Variants in KLKB1 observed in about 807,000 individuals in gnomAD.
KLKB1 encodes plasma kallikrein.
Under a neutral mutation model 73.6 loss-of-function variants are expected in KLKB1, and 58 were observed. The observed-to-expected ratio is 0.79, with a 90% CI of 0.64 to 0.98. The LOEUF is 0.98. Ranked by LOEUF, KLKB1 falls within the 50% of genes least tolerant of loss-of-function variation. KLKB1 has a pLI of 0.00. For synonymous variants in KLKB1, 280 were observed against 258.1 expected, an observed-to-expected ratio of 1.08 and a Z score of -0.81; for missense variants, 737 against 763.8, an observed-to-expected ratio of 0.96 and a Z score of 0.41.
At chr4:186,215,451 TTTCC>T (rs1347733469) in intron 2 of KLKB1, among the ~76,000 whole-genome samples, 1 of 151,722 alleles carries the variant, frequency 6.6e-6, no homozygotes, top group Admixed American at 6.6e-5. Flanking sequence ...GCTTGCTTGC[TTTCC>T]TTTTTTTTTT....
chr4:186,221,796 G>T (rs536054041), upstream of KLKB1, among the ~76,000 whole-genome samples: 1 of 152,174 alleles, frequency 6.6e-6, no homozygotes, highest in African/African-American at 2.4e-5. Flanking sequence ...GCACATGTCC[G>T]TTAGGTCTAT....
chr4:186,218,785 A>G (rs12331618), intron 2 of KLKB1, among the ~76,000 whole-genome samples: 85,106 of 151,864 alleles, frequency 0.56, 24,215 homozygotes, highest in East Asian at 0.68. Context: ...CTAATAGGAT[A>G]GATGTACATA....
chr4:186,240,690 G>T (rs1420698748), intron 6 of KLKB1, among the ~76,000 whole-genome samples: 2 of 152,196 alleles, frequency 1.3e-5, no homozygotes, highest in African/African-American at 4.8e-5. Flanking sequence ...GATTGGGAAG[G>T]TTGGTTACAA....
intron 12 of KLKB1, among the ~76,000 whole-genome samples, chr4:186,255,437 T>C (rs1738947291): frequency 6.6e-6 from 1 of 152,112 alleles, no homozygotes; most frequent in Admixed American, 6.6e-5. Context: ...TGTGGTGGTG[T>C]GCACCTGTAG....
At chr4:186,213,371 G>A (rs1005389524) in intron 2 of KLKB1, 2 of 152,198 alleles carry the variant, frequency 1.3e-5, no homozygotes, top group African/African-American at 4.8e-5. Context: ...TCTAAGAATT[G>A]ATATCAATTC....
At chr4:186,246,309 G>C (rs1738347553) in intron 6 of KLKB1, among the ~76,000 whole-genome samples, 1 of 151,990 alleles carries the variant, frequency 6.6e-6, no homozygotes, top group Non-Finnish European at 1.5e-5. Flanking sequence ...GGGATTGAGA[G>C]GACAGATGGG....
chr4:186,247,148 A>G (rs1169495020), intron 6 of KLKB1, among the ~76,000 whole-genome samples: 1 of 152,108 alleles, frequency 6.6e-6, no homozygotes, highest in Non-Finnish European at 1.5e-5. Context: ...TTTCTCATGG[A>G]GCAAAGAGCA....
intron 13 of KLKB1, among the ~76,000 whole-genome samples, chr4:186,256,591 G>T (rs1291783288): frequency 6.6e-6 from 1 of 152,062 alleles, no homozygotes; most frequent in Admixed American, 6.6e-5. Context: ...TTTTTTATTG[G>T]TAATCTGAGA....
At chr4:186,250,185 A>G in intron 6 of KLKB1, 58 bp from the exon 7 acceptor site, 2 of 1,498,398 alleles carry the variant, frequency 1.3e-6, no homozygotes. Context: ...GACAAAATAC[A>G]AGCAAATTTA....
Position 186,246,915 on chromosome 4 carries a change from A to T in KLKB1, c.599-3328A>T, listed in dbSNP as rs1054990078. On this transcript the variant is annotated intron_variant, in intron 6 of 14. Coordinates refer to ENST00000264690, the MANE Select transcript of KLKB1 (RefSeq NM_000892.5). Reference sequence around the variant, plus strand: ...TGACCAGTGCCAGAGTTTTGGGTTCATGGATAAAACGCGTCTCCTCTGTCT... The same window carrying T: ...TGACCAGTGCCAGAGTTTTGGGTTCTTGGATAAAACGCGTCTCCTCTGTCT... Among the ~76,000 whole-genome samples, 25 of 152,214 alleles carry T rather than the reference A, an allele frequency of 1.6e-4. 1 individual carries two copies. Among genetic ancestry groups the T allele is most frequent in the Admixed American group, 1.4e-3 (21 of 15,276 alleles).
intron 3 of KLKB1, among the ~76,000 whole-genome samples, chr4:186,232,858 T>C (rs924001674): frequency 2.6e-5 from 4 of 152,158 alleles, no homozygotes; most frequent in African/African-American, 4.8e-5. Flanking sequence ...TGCTTGTGCT[T>C]GTGTGAATAT....
chr4:186,246,458 C>T (rs1270867656), intron 6 of KLKB1, among the ~76,000 whole-genome samples: 1 of 152,148 alleles, frequency 6.6e-6, no homozygotes, highest in Non-Finnish European at 1.5e-5. Context: ...CATTTTATGA[C>T]AAGAATTATC....
chr4:186,219,088 C>T (rs1736973994), intron 2 of KLKB1, among the ~76,000 whole-genome samples: 1 of 152,162 alleles, frequency 6.6e-6, no homozygotes, highest in African/African-American at 2.4e-5. Context: ...CAGTCTAGTC[C>T]TTCCACGTTC....
At chr4:186,223,838 G>A (rs1353334490), upstream of KLKB1, among the ~76,000 whole-genome samples, 1 of 152,232 alleles carries the variant, frequency 6.6e-6, no homozygotes, top group Non-Finnish European at 1.5e-5. Flanking sequence ...GGAGCTGAAT[G>A]TTAATTGCCA....
intron 13 of KLKB1, among the ~76,000 whole-genome samples, chr4:186,256,744 T>A (rs889481196): frequency 2.0e-5 from 3 of 152,154 alleles, no homozygotes; most frequent in African/African-American, 7.2e-5. Context: ...AACGATATAG[T>A]TGTAAATTAT....
chr4:186,214,768 C>T (rs1736838653), intron 2 of KLKB1, among the ~76,000 whole-genome samples: 1 of 152,236 alleles, frequency 6.6e-6, no homozygotes, highest in Admixed American at 6.5e-5. Context: ...TCTCTAATTA[C>T]TAAAATGGAC....
At chr4:186,241,648 CA>C (rs1738056825) in intron 6 of KLKB1, among the ~76,000 whole-genome samples, 1 of 152,068 alleles carries the variant, frequency 6.6e-6, no homozygotes, top group African/African-American at 2.4e-5. Context: ...AGATGGTACA[CA>C]TATTTTCAAG....
chr4:186,235,881 C>G (rs1465538088), intron 4 of KLKB1, among the ~76,000 whole-genome samples: 2 of 150,134 alleles, frequency 1.3e-5, no homozygotes, highest in African/African-American at 4.9e-5. Flanking sequence ...TTTGGGAGGC[C>G]GAGACGGGCG....
At position 186,251,258 on chromosome 4, in the gene KLKB1, AAGTTCCT is replaced by A. The variant is rs747398040; in HGVS notation, c.799_805del (p.Ser267LeufsTer14). The A allele has an allele frequency of 2.5e-6, 4 of 1,612,124 alleles. No homozygotes were observed. The Admixed American group carries it at 6.7e-5, about 27-fold the overall frequency. ...TTAAAACATCTGAAAGTGGCACACC[AAGTTCCT>A]CTACTCCTCAAGAAAACACCATATC... On this transcript the variant is annotated frameshift_variant, in exon 8 of 15. Transcript: ENST00000264690. LOFTEE classifies it high-confidence loss of function.
Sources: gnomAD v4.1 joint callset for allele counts (sites outside exome capture counted in the v4.1 genomes callset) on GRCh38, gnomAD v4.1.1 for gene constraint, MANE v1.5 for transcripts, NCBI Gene and HGNC (gene_info 2026-07-23, HGNC 2026-07-21) for gene names.